RPS5: variants seen among roughly 807,000 people sequenced by gnomAD.
RPS5 encodes ribosomal protein S5.
RPS5 carries 2 observed loss-of-function variants against 20.9 expected under a neutral mutation model. That is an observed-to-expected ratio of 0.10 (90% CI 0.04 to 0.30). RPS5 has a LOEUF of 0.30. Among genes scored for constraint, RPS5 ranks in the 10% least tolerant of loss-of-function variants. The probability of loss-of-function intolerance (pLI) is 1.00; values close to 1 mark genes in which losing one functional copy is unlikely to be tolerated. For synonymous variants in RPS5, 112 were observed against 105.8 expected, an observed-to-expected ratio of 1.06 and a Z score of -0.36; for missense variants, 122 against 287.2, an observed-to-expected ratio of 0.42 and a Z score of 4.16.
At chr19:58,387,418 TC>T (rs1344042399) in intron 1 of RPS5, 79 bp downstream of exon 1, 5 of 152,258 alleles carry the variant, frequency 3.3e-5, no homozygotes, top group African/African-American at 1.2e-4. Flanking sequence ...CTGGGCCTTT[TC>T]TCATTAGGTC....
chr19:58,387,752 A>C (rs1002823607), intron 1 of RPS5: 12 of 252,544 alleles, frequency 4.8e-5, no homozygotes, highest in Middle Eastern at 1.5e-3. Context: ...GTCCCGCCTC[A>C]CGGCCAAAGA....
At chr19:58,389,187 A>G (rs1432438889) in intron 2 of RPS5, among the ~76,000 whole-genome samples, 1 of 152,178 alleles carries the variant, frequency 6.6e-6, no homozygotes, top group Non-Finnish European at 1.5e-5. Flanking sequence ...AAAGTGTTTG[A>G]AATTATATTT....
intron 2 of RPS5, 63 bp from the exon 3 acceptor site, chr19:58,392,912 TC>T: frequency 6.7e-7 from 1 of 1,501,462 alleles, no homozygotes; most frequent in Non-Finnish European, 9.2e-7. Context: ...TCCTCTGGTG[TC>T]TGGCCAACGC....
intron 2 of RPS5, among the ~76,000 whole-genome samples, chr19:58,391,081 C>T (rs1453491939): frequency 6.6e-6 from 1 of 152,140 alleles, no homozygotes; most frequent in Non-Finnish European, 1.5e-5. Context: ...AACTTTTTGG[C>T]ATTTTTCTAG....
At chr19:58,393,701 C>T (rs2052378459) in intron 4 of RPS5, 2 of 583,578 alleles carry the variant, frequency 3.4e-6, no homozygotes, top group Admixed American at 3.4e-5. Context: ...TCTTTCTTTC[C>T]TTTGGGTGTA....
Position 58,393,149 on chromosome 19 carries a change from G to A in RPS5, c.282G>A (p.Lys94=). 1.2e-6 allele frequency: 2 copies of A among 1,614,216 alleles called. No homozygotes were observed. Among genetic ancestry groups the A allele is most frequent in the Non-Finnish European group, 1.7e-6 (2 of 1,180,044 alleles). The change falls in exon 3 of 6, where the codon AAG becomes AAA. Residue 94 remains lysine, a synonymous_variant. Transcript: ENST00000196551. The part of the protein sequence containing the change: ...GKKLMTVRIV[K]HAFEIIHLLT... The stretch of plus-strand genomic sequence containing the variant: ...AGCTCATGACTGTGCGCATCGTCAA[G>A]CATGCCTTCGAGATCATACACCTGC...
chr19:58,389,307 T>C (rs2052348667), intron 2 of RPS5, among the ~76,000 whole-genome samples: 1 of 152,228 alleles, frequency 6.6e-6, no homozygotes, highest in African/African-American at 2.4e-5. Flanking sequence ...GATCACTCTC[T>C]GTCACCCAGG....
intron 2 of RPS5, 54 bp from the exon 3 acceptor site, chr19:58,392,922 G>A (rs941927479): frequency 1.2e-4 from 181 of 1,557,722 alleles, no homozygotes; most frequent in Non-Finnish European, 1.5e-4. Context: ...TCTGGCCAAC[G>A]CCCATGCTGC....
intron 2 of RPS5, among the ~76,000 whole-genome samples, chr19:58,388,810 T>A (rs988088203): frequency 2.6e-5 from 4 of 152,052 alleles, no homozygotes; most frequent in East Asian, 3.9e-4. Flanking sequence ...TTTTTATTTT[T>A]AGTAGAGACA....
In RPS5 at chr19:58,393,129, A is replaced by T. The variant is rs776807710; in HGVS notation, c.262A>T (p.Met88Leu). ...CGGCCGCAACAACGGCAAGAAGCTC[A>T]TGACTGTGCGCATCGTCAAGCATGC... ...MHGRNNGKKL[M>L]TVRIVKHAFE... Residue 88 changes from methionine to leucine, a missense_variant, in exon 3 of 6, where the codon ATG becomes TTG. By Grantham distance (15) the Met-to-Leu change is conservative (BLOSUM62 2). Transcript: ENST00000196551. 6.2e-7 allele frequency: 1 copy of T among 1,614,210 alleles called. No individual in the cohort carries two copies. The highest frequency in any genetic ancestry group is 1.7e-5 in the Admixed American group (1 of 60,026).
At chr19:58,391,224 G>A (rs2052360938) in intron 2 of RPS5, among the ~76,000 whole-genome samples, 1 of 151,986 alleles carries the variant, frequency 6.6e-6, no homozygotes, top group South Asian at 2.1e-4. Context: ...CTGAGGTCAG[G>A]GGTTTGAGAC....
chr19:58,388,279 G>T, intron 2 of RPS5, 34 bp downstream of exon 2: 1 of 1,440,636 alleles, frequency 6.9e-7, no homozygotes, highest in East Asian at 2.3e-5. Context: ...CTTCCTGGCT[G>T]GGGGCGGACA....
chr19:58,394,517 A>C lies in RPS5; in HGVS notation c.468A>C (p.Thr156=). ...RVNQAIWLLC[T]GAREAAFRNI... ...CCTAGGCCATCTGGCTGCTGTGCAC[A>C]GGCGCTCGTGAGGCTGCCTTCCGGA... Residue 156 remains threonine, a synonymous_variant, in exon 5 of 6, where the codon ACA becomes ACC. Coordinates refer to ENST00000196551, the MANE Select transcript of RPS5 (RefSeq NM_001009.4). 3 of 1,614,016 alleles carry C rather than the reference A, an allele frequency of 1.9e-6. No homozygotes were observed. The highest frequency in any genetic ancestry group is 2.5e-6 in the Non-Finnish European group (3 of 1,180,008).
Position 58,393,035 on chromosome 19 carries a change from T to C in RPS5, c.168T>C (p.Tyr56=), listed in dbSNP as rs1599934788. 1 of 1,614,134 alleles carries C rather than the reference T, an allele frequency of 6.2e-7. No homozygotes were observed. Among genetic ancestry groups the C allele is most frequent in the East Asian group, 2.2e-5 (1 of 44,886 alleles). The change falls in exon 3 of 6, where the codon TAT becomes TAC. Residue 56 remains tyrosine, a synonymous_variant. Transcript: ENST00000196551. ...AKYLPHSAGR[Y]AAKRFRKAQC... ...ACCTGCCTCACAGTGCAGGGCGGTATGCCGCCAAACGCTTCCGCAAAGCTC... is the reference window on the plus strand; with the variant it reads ...ACCTGCCTCACAGTGCAGGGCGGTACGCCGCCAAACGCTTCCGCAAAGCTC...
At position 58,388,316 on chromosome 19, in the gene RPS5, T is replaced by C. The variant is rs1197788484; in HGVS notation, c.108+71T>C. ...TATTCCAGGAAGGCACACATCAAAC[T>C]TGTTGCTGTGCCATTAAGTCAAGAA... On this transcript the variant is annotated intron_variant, in intron 2 of 5. Transcript: ENST00000196551. 3 of 1,077,280 alleles carry C rather than the reference T, an allele frequency of 2.8e-6. No homozygotes were observed. In the African/African-American group the frequency reaches 4.7e-5, roughly 17 times the overall value. 66.7% of individuals were successfully genotyped at this position (1,077,280 alleles called of 1,614,324 possible).
At chr19:58,388,050 G>A (rs2052338202) in intron 1 of RPS5, 87 bp from the exon 2 acceptor site, 1 of 852,876 alleles carries the variant, frequency 1.2e-6, no homozygotes. Context: ...ACTAGATGGC[G>A]GCTAGCCTCA....
chr19:58,392,471 A>G (rs2052369991), intron 2 of RPS5, among the ~76,000 whole-genome samples: 1 of 152,098 alleles, frequency 6.6e-6, no homozygotes, highest in Admixed American at 6.6e-5. Flanking sequence ...AAAAATACAA[A>G]AAAACTAGCT....
intron 2 of RPS5, among the ~76,000 whole-genome samples, chr19:58,391,232 G>A (rs569146626): frequency 6.6e-6 from 1 of 152,126 alleles, no homozygotes; most frequent in African/African-American, 2.4e-5. Flanking sequence ...AGGGGTTTGA[G>A]ACCAGCCTGG....
rs199912104 is a variant in RPS5, at chr19:58,388,218, T to C, written c.81T>C (p.Asp27=). The C allele has an allele frequency of 2.5e-6, 4 of 1,612,582 alleles. No homozygotes were observed. The highest frequency in any genetic ancestry group is 3.4e-6 in the Non-Finnish European group (4 of 1,179,458). The change falls in exon 2 of 6, where the codon GAT becomes GAC. Residue 27 remains aspartate, a synonymous_variant. Coordinates refer to ENST00000196551, the MANE Select transcript of RPS5 (RefSeq NM_001009.4). ...IKLFGKWSTD[D]VQINDISLQD... is the part of the protein sequence containing the mutation. ...TCTTTGGGAAGTGGAGCACCGATGA[T>C]GTGCAGATCAATGACATTTCCCTGC...
Sources: gnomAD v4.1 joint callset for allele counts (sites outside exome capture counted in the v4.1 genomes callset) on GRCh38, gnomAD v4.1.1 for gene constraint, MANE v1.5 for transcripts, NCBI Gene and HGNC (gene_info 2026-07-23, HGNC 2026-07-21) for gene names.